Variants in TEX9 observed in about 807,000 individuals in gnomAD.
The protein encoded by TEX9 is testis expressed 9, also known as testis-expressed protein 9.
Under a neutral mutation model 59.6 loss-of-function variants are expected in TEX9, and 74 were observed. That is an observed-to-expected ratio of 1.24 (90% CI 1.03 to 1.51). The LOEUF (loss-of-function observed/expected upper bound fraction) is 1.51, where lower values mean the gene tolerates loss of function less well. TEX9 is among the 40% of genes most tolerant of loss of function. The pLI, the probability that TEX9 is intolerant of heterozygous loss-of-function variation, is 0.00. For missense variants in TEX9, 522 were observed against 447.8 expected (o/e 1.17, Z -1.49); for synonymous variants, 186 against 152.2 (o/e 1.22, Z -1.64).
intron 1 of TEX9, among the ~76,000 whole-genome samples, chr15:56,332,467 C>A (rs559113845): frequency 8.9e-6 from 1 of 111,936 alleles, no homozygotes; most frequent in Non-Finnish European, 1.7e-5. Flanking sequence ...TGGGGACTGT[C>A]GTGGGGTGGG....
At chr15:56,264,778 T>C (rs2044342896) in intron 1 of TEX9, among the ~76,000 whole-genome samples, 1 of 152,240 alleles carries the variant, frequency 6.6e-6, no homozygotes, top group Non-Finnish European at 1.5e-5. Context: ...ATTTTTTGTG[T>C]ATGTTCTGAG....
At chr15:56,303,062 A>G (rs1224581664) in intron 1 of TEX9, among the ~76,000 whole-genome samples, 1 of 152,220 alleles carries the variant, frequency 6.6e-6, no homozygotes, top group Non-Finnish European at 1.5e-5. Context: ...TATAGACAGC[A>G]AATATTACTA....
intron 1 of TEX9, chr15:56,323,739 AAGGAGGAGAAGG>A (rs1356925935): frequency 1.2e-3 from 1 of 834 alleles, no homozygotes; most frequent in South Asian, 0.071. Flanking sequence ...GGAGGAGGAG[AAGGAGGAGAAGG>A]AGGAGAAGGA....
At chr15:56,422,111 G>T in intron 10 of TEX9, among the ~76,000 whole-genome samples, 1 of 103,142 alleles carries the variant, frequency 9.7e-6, no homozygotes, top group Non-Finnish European at 1.8e-5. Context: ...GGGGAGGGGG[G>T]AGGGGGGAGG....
intron 6 of TEX9, among the ~76,000 whole-genome samples, chr15:56,390,147 T>C (rs1250117422): frequency 2.6e-5 from 4 of 151,858 alleles, no homozygotes; most frequent in African/African-American, 4.8e-5. Flanking sequence ...AAATTAACTA[T>C]ACAATAGATT....
chr15:56,443,639 G>T, intron 12 of TEX9: 5 of 1,609,962 alleles, frequency 3.1e-6, no homozygotes, highest in African/African-American at 1.3e-5. Context: ...TTTTAATACC[G>T]CATTCTGAAG....
intron 5 of TEX9, among the ~76,000 whole-genome samples, chr15:56,388,863 T>A (rs2048079138): frequency 6.6e-6 from 1 of 152,100 alleles, no homozygotes; most frequent in African/African-American, 2.4e-5. Flanking sequence ...TTTGAAAAGT[T>A]TGTTTGTTCA....
intron 1 of TEX9, among the ~76,000 whole-genome samples, chr15:56,312,622 A>T (rs2045649531): frequency 6.8e-6 from 1 of 146,284 alleles, no homozygotes; most frequent in Non-Finnish European, 1.5e-5. Flanking sequence ...TGACTTGGTG[A>T]TGCGGGCTCT....
At chr15:56,357,826 A>C (rs1482531272) in intron 1 of TEX9, among the ~76,000 whole-genome samples, 1 of 151,846 alleles carries the variant, frequency 6.6e-6, no homozygotes, top group Non-Finnish European at 1.5e-5. Flanking sequence ...CCTTATTTCT[A>C]TTTCTTTCTA....
intron 2 of TEX9, among the ~76,000 whole-genome samples, chr15:56,366,105 A>T (rs1291836208): frequency 6.6e-6 from 1 of 152,178 alleles, no homozygotes; most frequent in African/African-American, 2.4e-5. Context: ...AATCAGAATT[A>T]CCATTCTCGT....
At chr15:56,422,375 T>A (rs2050023075) in intron 10 of TEX9, among the ~76,000 whole-genome samples, 1 of 151,858 alleles carries the variant, frequency 6.6e-6, no homozygotes, top group Non-Finnish European at 1.5e-5. Flanking sequence ...ATTAGCTAGC[T>A]GTTGTTTTAG....
chr15:56,456,456 C>G, the TEX9 span: 4 of 1,611,994 alleles, frequency 2.5e-6, no homozygotes, highest in Admixed American at 6.7e-5. Flanking sequence ...TCAGTTTTGC[C>G]AATTCCATAG....
chr15:56,430,229 C>CG lies in TEX9; in HGVS notation c.*29+1760dup, dbSNP rs556454572. ...CTGTTATTACTTTTTTAAGACAAGA[C>CG]GGGGTCTCACTCTGTTGCCCAGGCT... On this transcript the variant is annotated intron_variant, in intron 12 of 12. Coordinates refer to ENST00000352903, the Ensembl canonical transcript of TEX9. 2.4e-4 allele frequency: 37 copies of CG among 152,214 alleles called. 1 individual carries two copies. In the East Asian group the frequency reaches 6.6e-3, roughly 27 times the overall value. 9.4% of individuals were successfully genotyped at this position (152,214 alleles called of 1,614,324 possible).
chr15:56,299,318 C>T (rs953965982), intron 1 of TEX9, among the ~76,000 whole-genome samples: 2 of 152,136 alleles, frequency 1.3e-5, no homozygotes, highest in African/African-American at 4.8e-5. Flanking sequence ...TAGCCAGTGC[C>T]CATGGAGGGA....
intron 1 of TEX9, among the ~76,000 whole-genome samples, chr15:56,331,531 A>G (rs2098897): frequency 0.57 from 86,427 of 151,940 alleles, 24,830 homozygotes; most frequent in Non-Finnish European, 0.6. Flanking sequence ...TATGGAAATT[A>G]AACAATATGC....
intron 1 of TEX9, among the ~76,000 whole-genome samples, chr15:56,247,785 T>C (rs577339777): frequency 1.5e-4 from 23 of 152,328 alleles, no homozygotes; most frequent in African/African-American, 5.5e-4. Context: ...GTTTACCAGA[T>C]ATGGAAAAGG....
At position 56,428,392 on chromosome 15, in the gene TEX9, T is replaced by A. The variant is rs1390554683; in HGVS notation, c.1124T>A (p.Leu375Gln). 1.9e-6 allele frequency: 3 copies of A among 1,612,162 alleles called. No individual in the cohort carries two copies. In the Admixed American group the frequency reaches 5.0e-5, roughly 27 times the overall value. ...ATGCATATTGAAGCTGCCAAGATGC[T>A]ATCTTTCACTGAGGAGGAATTTATG... Residue 375 changes from leucine (L) to glutamine (Q), a missense_variant, in exon 12 of 13, where the codon CTA becomes CAA. Transcript: ENST00000352903.
At chr15:56,414,386 C>T (rs2049560556) in intron 10 of TEX9, among the ~76,000 whole-genome samples, 1 of 151,760 alleles carries the variant, frequency 6.6e-6, no homozygotes, top group African/African-American at 2.4e-5. Context: ...TGCTCCTCTC[C>T]CTTTTTCCAC....
At position 56,393,922 on chromosome 15, in the gene TEX9, C is replaced by A. The variant is rs148985911; in HGVS notation, c.572-243C>A. 895 of 304,230 alleles carry A rather than the reference C, an allele frequency of 2.9e-3. 4 individuals carry two copies. Among genetic ancestry groups the A allele is most frequent in the Non-Finnish European group, 4.5e-3 (739 of 165,248 alleles). The allele number at this position is 304,230 out of a possible 1,614,324, so 18.8% of individuals were successfully genotyped here. On this transcript the variant is annotated intron_variant, in intron 7 of 12. Coordinates refer to ENST00000352903, the Ensembl canonical transcript of TEX9. Reference sequence around the variant, plus strand: ...TGATGTAGTTTGGACCACCCTGGTGCGTGTGAATTTAGTCTGCAAACTTAT... The same window carrying A: ...TGATGTAGTTTGGACCACCCTGGTGAGTGTGAATTTAGTCTGCAAACTTAT...
Sources: gnomAD v4.1 joint callset for allele counts (sites outside exome capture counted in the v4.1 genomes callset) on GRCh38, gnomAD v4.1.1 for gene constraint, MANE v1.5 for transcripts, NCBI Gene and HGNC (gene_info 2026-07-23, HGNC 2026-07-21) for gene names.